The following INPP5A variants were observed in gnomAD, a reference collection of about 807,000 sequenced individuals.
INPP5A encodes the protein 43 kDa inositol polyphosphate 5-phophatase.
INPP5A carries 14 observed loss-of-function variants against 65.2 expected under a neutral mutation model. The observed-to-expected ratio is 0.21, with a 90% confidence interval of 0.14 to 0.34. The LOEUF (loss-of-function observed/expected upper bound fraction) is 0.34, where lower values mean the gene tolerates loss of function less well. INPP5A is among the 10% of genes least tolerant of loss of function. The pLI, the probability that INPP5A is intolerant of heterozygous loss-of-function variation, is 1.00. For missense variants in INPP5A, 431 were observed against 545.6 expected (o/e 0.79, Z 2.09); for synonymous variants, 207 against 208.3 (o/e 0.99, Z 0.05).
chr10:132,590,781 G>A (rs546109330), intron 1 of INPP5A, among the ~76,000 whole-genome samples: 17 of 152,314 alleles, frequency 1.1e-4, no homozygotes, highest in African/African-American at 3.6e-4. Flanking sequence ...TTCTGGCATT[G>A]CCATCTGAAA....
At chr10:132,729,085 G>A (rs983635849) in intron 9 of INPP5A, among the ~76,000 whole-genome samples, 1 of 152,110 alleles carries the variant, frequency 6.6e-6, no homozygotes, top group African/African-American at 2.4e-5. Context: ...GCAGGCGTGG[G>A]GGGCCTGGAC....
At chr10:132,683,322 G>A (rs1036939903) in intron 4 of INPP5A, among the ~76,000 whole-genome samples, 4 of 150,358 alleles carry the variant, frequency 2.7e-5, no homozygotes, top group Non-Finnish European at 5.9e-5. Context: ...GAGGGCACGT[G>A]TCTGCCGTGA....
At chr10:132,778,065 T>C (rs1193111300) in intron 13 of INPP5A, among the ~76,000 whole-genome samples, 1 of 152,152 alleles carries the variant, frequency 6.6e-6, no homozygotes, top group Non-Finnish European at 1.5e-5. Flanking sequence ...TAGCAGGAAG[T>C]GTTTTCAAAT....
At chr10:132,638,624 G>A (rs2072387327) in intron 2 of INPP5A, among the ~76,000 whole-genome samples, 1 of 152,182 alleles carries the variant, frequency 6.6e-6, no homozygotes, top group Non-Finnish European at 1.5e-5. Context: ...CTGGAGTGCA[G>A]TGGCACAATC....
chr10:132,716,333 C>T (rs1012408220), intron 8 of INPP5A, among the ~76,000 whole-genome samples: 3 of 152,246 alleles, frequency 2.0e-5, no homozygotes, highest in African/African-American at 7.2e-5. Context: ...TGTTTCTGTA[C>T]TTTTATTATG....
rs779839992 is a variant in INPP5A at position 132,550,744 on chromosome 10, C to T, written c.75+12573C>T. Among the ~76,000 whole-genome samples, 4 of 152,232 alleles carry T rather than the reference C, an allele frequency of 2.6e-5. No individual in the cohort carries two copies. The highest frequency in any genetic ancestry group is 6.5e-5 in the Admixed American group (1 of 15,282). ...TGGTCCCGCCTGACCTCATGGAAGACGGTGGAGGTGGCAGCCGCCAGAGTG... is the reference window on the plus strand; with the variant it reads ...TGGTCCCGCCTGACCTCATGGAAGATGGTGGAGGTGGCAGCCGCCAGAGTG... On this transcript the variant is annotated intron_variant, in intron 1 of 15. Coordinates refer to ENST00000368594, the MANE Select transcript of INPP5A (RefSeq NM_005539.5). This position sits in a 1 kb window ranked among gnomAD's most constrained non-coding sequence, Gnocchi z 4.2.
intron 11 of INPP5A, among the ~76,000 whole-genome samples, chr10:132,756,690 A>T (rs141905535): frequency 6.6e-6 from 1 of 152,272 alleles, no homozygotes; most frequent in East Asian, 1.9e-4. Context: ...CTTCTCCCAC[A>T]CTTCTTACCA....
intron 1 of INPP5A, among the ~76,000 whole-genome samples, chr10:132,596,342 G>A (rs2071687563): frequency 6.6e-6 from 1 of 152,198 alleles, no homozygotes; most frequent in South Asian, 2.1e-4. Context: ...AAAAGCTTCT[G>A]GCACATGTAC....
At chr10:132,737,975 T>A (rs528524825) in intron 9 of INPP5A, among the ~76,000 whole-genome samples, 1 of 152,160 alleles carries the variant, frequency 6.6e-6, no homozygotes, top group African/African-American at 2.4e-5. Context: ...AACTGGTATA[T>A]TGATGCCAAG....
At chr10:132,713,274 G>A (rs1324278569) in intron 8 of INPP5A, among the ~76,000 whole-genome samples, 1 of 152,056 alleles carries the variant, frequency 6.6e-6, no homozygotes. Flanking sequence ...GTGTGTACCT[G>A]TCATAGCTCA....
At chr10:132,593,261 T>C (rs1266798053) in intron 1 of INPP5A, among the ~76,000 whole-genome samples, 1 of 152,122 alleles carries the variant, frequency 6.6e-6, no homozygotes, top group African/African-American at 2.4e-5. Context: ...GGTTCATAGG[T>C]CCCACCTGCA....
At chr10:132,744,050 C>T (rs959282891) in intron 9 of INPP5A, among the ~76,000 whole-genome samples, 1 of 152,222 alleles carries the variant, frequency 6.6e-6, no homozygotes, top group African/African-American at 2.4e-5. Flanking sequence ...CCAGGCTGGA[C>T]GGGCCCCCAC....
chr10:132,689,466 A>G (rs190900956), intron 4 of INPP5A, among the ~76,000 whole-genome samples: 22 of 152,368 alleles, frequency 1.4e-4, no homozygotes, highest in African/African-American at 4.8e-4. Flanking sequence ...AGTCAGGTTT[A>G]TAACGATTAA....
chr10:132,587,570 C>A lies in INPP5A; in HGVS notation c.76-20345C>A, dbSNP rs116142288. 1.0e-3 allele frequency among the ~76,000 whole-genome samples: 159 copies of A among 152,332 alleles called. No homozygotes were observed. The highest frequency in any genetic ancestry group is 3.6e-3 in the African/African-American group (150 of 41,576). ...CGAAATTTCTGGGCCAATGTTTAAA[C>A]CTGCCTGAACTCCAGCCTCTCCCTC... On this transcript the variant is annotated intron_variant, in intron 1 of 15. Coordinates refer to ENST00000368594, the MANE Select transcript of INPP5A (RefSeq NM_005539.5). This position sits in a 1 kb window ranked among gnomAD's most constrained non-coding sequence, Gnocchi z 4.3.
intron 8 of INPP5A, among the ~76,000 whole-genome samples, chr10:132,711,592 C>T (rs1845637860): frequency 6.6e-6 from 1 of 152,188 alleles, no homozygotes; most frequent in South Asian, 2.1e-4. Flanking sequence ...AGCCCCCGTG[C>T]GTGCAGAATG....
intron 1 of INPP5A, among the ~76,000 whole-genome samples, chr10:132,583,261 G>A (rs150356486): frequency 1.7e-3 from 259 of 152,328 alleles, no homozygotes; most frequent in African/African-American, 5.8e-3. Flanking sequence ...ATGCATGGTT[G>A]TGTACTAATC....
At chr10:132,667,263 G>A (rs760572238) in intron 4 of INPP5A, among the ~76,000 whole-genome samples, 2 of 152,210 alleles carry the variant, frequency 1.3e-5, no homozygotes, top group Non-Finnish European at 2.9e-5. Flanking sequence ...AATGTCGGCT[G>A]TTCTTCCAAC....
At chr10:132,710,138 C>G (rs1423793124) in intron 7 of INPP5A, among the ~76,000 whole-genome samples, 199 bp from the exon 8 acceptor site, 3 of 152,238 alleles carry the variant, frequency 2.0e-5, no homozygotes, top group African/African-American at 7.2e-5. Context: ...TTTGTAAAGA[C>G]ATATTCAGAC....
intron 1 of INPP5A, among the ~76,000 whole-genome samples, chr10:132,559,506 C>T (rs1277946891): frequency 6.6e-6 from 1 of 152,200 alleles, no homozygotes; most frequent in Admixed American, 6.5e-5. Context: ...CCCTCCTTTC[C>T]CCCCTTCCGC....
Sources: gnomAD v4.1 joint callset for allele counts (sites outside exome capture counted in the v4.1 genomes callset) on GRCh38, gnomAD v4.1.1 for gene constraint, Gnocchi (gnomAD v3.1) non-coding constraint, MANE v1.5 for transcripts, NCBI Gene and HGNC (gene_info 2026-07-23, HGNC 2026-07-21) for gene names.